The following DCAF8L2 variants were observed in gnomAD, a reference collection of about 807,000 sequenced individuals.
The protein encoded by DCAF8L2 is DDB1- and CUL4-associated factor 8-like protein 2.
For synonymous variants in DCAF8L2, 200 were observed against 190.9 expected (o/e 1.05, Z -0.39); for missense variants, 430 against 490.7 (o/e 0.88, Z 1.17).
intron 3 of DCAF8L2, among the ~76,000 whole-genome samples, chrX:27,700,992 T>C (rs1168854776): frequency 1.8e-5 from 2 of 111,037 alleles, no homozygotes; most frequent in African/African-American, 3.3e-5. Flanking sequence ...CTTCCTCTCA[T>C]GAGGAAGAAT....
At chrX:27,704,917 A>G (rs1249704402) in intron 3 of DCAF8L2, among the ~76,000 whole-genome samples, 1 of 110,869 alleles carries the variant, frequency 9.0e-6, no homozygotes, top group Non-Finnish European at 1.9e-5. Context: ...CACCCAGGTA[A>G]TAAGCATGGT....
the DCAF8L2 span, among the ~76,000 whole-genome samples, chrX:27,550,448 C>T: frequency 9.0e-6 from 1 of 110,940 alleles, no homozygotes; most frequent in East Asian, 2.9e-4. Flanking sequence ...CATCTCACCT[C>T]AGCCTCCAAA....
intron 2 of DCAF8L2, among the ~76,000 whole-genome samples, chrX:27,667,351 GTTCA>G (rs1929778291): frequency 9.0e-6 from 1 of 111,662 alleles, no homozygotes; most frequent in Non-Finnish European, 1.9e-5. Flanking sequence ...TGTACAGGAA[GTTCA>G]ATGAGTAAAT....
chrX:27,589,484 A>G (rs1017738094), upstream of DCAF8L2, among the ~76,000 whole-genome samples: 53 of 110,247 alleles, frequency 4.8e-4, no homozygotes, highest in African/African-American at 1.8e-3. Flanking sequence ...TATTTGCTAC[A>G]TACCATATTT....
At chrX:27,673,457 G>A (rs1368693195) in intron 2 of DCAF8L2, among the ~76,000 whole-genome samples, 2 of 98,781 alleles carry the variant, frequency 2.0e-5, no homozygotes, top group Non-Finnish European at 4.0e-5. Flanking sequence ...ACAGTGAGCC[G>A]AGATAGTGCC....
chrX:27,564,906 A>G, the DCAF8L2 span, among the ~76,000 whole-genome samples: 2 of 109,428 alleles, frequency 1.8e-5, no homozygotes, highest in Non-Finnish European at 3.8e-5. Context: ...CCCAAACTCC[A>G]GGCCTCAAGC....
At position 27,747,613 on chromosome X, in the gene DCAF8L2, G is replaced by A. The variant is rs759237312; in HGVS notation, c.718G>A (p.Gly240Ser). The A allele has an allele frequency of 1.7e-6, 2 of 1,204,136 alleles. No individual in the cohort carries two copies. Among genetic ancestry groups the A allele is most frequent in the Non-Finnish European group, 2.2e-6 (2 of 891,404 alleles). Residue 240 changes from glycine to serine, a missense_variant, in exon 5 of 5, where the codon GGC becomes AGC. Coordinates refer to ENST00000451261, the MANE Select transcript of DCAF8L2 (RefSeq NM_001353450.2). ...CVNTVHFNQR[G>S]TRLASSGDDL... The stretch of plus-strand genomic sequence containing the variant: ...CAATACTGTACACTTTAACCAGCGT[G>A]GCACCCGGCTGGCCAGTAGCGGTGA...
chrX:27,494,946 C>G, the DCAF8L2 span, among the ~76,000 whole-genome samples: 1 of 111,138 alleles, frequency 9.0e-6, no homozygotes, highest in African/African-American at 3.3e-5. Context: ...CTTTTTTTTG[C>G]ATGAGTTGTT....
intron 4 of DCAF8L2, among the ~76,000 whole-genome samples, chrX:27,731,802 AT>A (rs1569195898): frequency 8.9e-6 from 1 of 111,756 alleles, no homozygotes; most frequent in Non-Finnish European, 1.9e-5. Context: ...AAAACTATTA[AT>A]TTATTTAATG....
At chrX:27,732,489 T>C (rs913761422) in intron 4 of DCAF8L2, among the ~76,000 whole-genome samples, 2 of 99,389 alleles carry the variant, frequency 2.0e-5, no homozygotes, top group Non-Finnish European at 2.0e-5. Flanking sequence ...CCTGTGTGTG[T>C]GCGCGTGTGT....
At chrX:27,736,172 A>G (rs755511217) in intron 4 of DCAF8L2, among the ~76,000 whole-genome samples, 14 of 110,910 alleles carry the variant, frequency 1.3e-4, no homozygotes, top group Non-Finnish European at 2.5e-4. Flanking sequence ...GGCCACATGA[A>G]GCAGACAGAT....
At position 27,628,855 on chromosome X, in the gene DCAF8L2, A is replaced by G. The variant is rs1428356257; in HGVS notation, c.-341-3024A>G. Reference sequence around the variant, plus strand: ...CCTGACCTCTTGATCTACCCGCCTCAGCCTCCCAAAGTGCTGGGATTACAG... The same window carrying G: ...CCTGACCTCTTGATCTACCCGCCTCGGCCTCCCAAAGTGCTGGGATTACAG... On this transcript the variant is annotated intron_variant, in intron 1 of 4. Transcript: ENST00000451261. Among the ~76,000 whole-genome samples the G allele has an allele frequency of 2.7e-5, 3 of 111,055 alleles. No individual in the cohort carries two copies. In the Admixed American group the frequency reaches 2.9e-4, roughly 11 times the overall value.
At chrX:27,673,824 T>C (rs1035060649) in intron 2 of DCAF8L2, among the ~76,000 whole-genome samples, 5 of 110,734 alleles carry the variant, frequency 4.5e-5, no homozygotes, top group South Asian at 7.6e-4. Context: ...ATAGTGTATA[T>C]GTGTCAGTGT....
At chrX:27,522,963 C>G in the DCAF8L2 span, among the ~76,000 whole-genome samples, 2 of 111,444 alleles carry the variant, frequency 1.8e-5, no homozygotes, top group Non-Finnish European at 3.8e-5. Context: ...CATAGAAGAA[C>G]AAGGCTTTTC....
intron 1 of DCAF8L2, among the ~76,000 whole-genome samples, chrX:27,619,004 AATCTATCTATCTATCTATCT>A (rs57635575): frequency 1.4e-4 from 14 of 101,664 alleles, no homozygotes; most frequent in African/African-American, 4.7e-4. Flanking sequence ...ATCTATATCT[AATCTATCTATCTATCTATCT>A]ATCTATCTAT....
intron 4 of DCAF8L2, among the ~76,000 whole-genome samples, chrX:27,719,817 T>G (rs1569191813): frequency 8.9e-6 from 1 of 112,012 alleles, no homozygotes; most frequent in Non-Finnish European, 1.9e-5. Flanking sequence ...TTTGTTAAAT[T>G]TATGATTTAC....
At chrX:27,586,985 T>A (rs989884785), upstream of DCAF8L2, among the ~76,000 whole-genome samples, 1 of 111,396 alleles carries the variant, frequency 9.0e-6, no homozygotes, top group African/African-American at 3.3e-5. Flanking sequence ...TCAAGATTTT[T>A]TTTTATTTTC....
chrX:27,643,157 T>C (rs1160223053), intron 2 of DCAF8L2, among the ~76,000 whole-genome samples: 3 of 112,123 alleles, frequency 2.7e-5, no homozygotes, highest in African/African-American at 9.7e-5. Context: ...ATCTCCACAC[T>C]GTTTTCCCAA....
chrX:27,587,985 A>AAAATATATATATATATAT, upstream of DCAF8L2, among the ~76,000 whole-genome samples: 13 of 22,342 alleles, frequency 5.8e-4, no homozygotes, highest in South Asian at 4.2e-3. Flanking sequence ...TAAAAAAAAA[A>AAAATATATATATATATAT]ATATATATAT....
Sources: gnomAD v4.1 joint callset for allele counts (sites outside exome capture counted in the v4.1 genomes callset) on GRCh38, gnomAD v4.1.1 for gene constraint, MANE v1.5 for transcripts, NCBI Gene and HGNC (gene_info 2026-07-23, HGNC 2026-07-21) for gene names.